Variants in MTCH2 observed in about 807,000 individuals in gnomAD.
MTCH2 encodes mitochondrial carrier homolog 2.
Under a neutral mutation model 50.6 loss-of-function variants are expected in MTCH2, and 25 were observed. The observed-to-expected ratio is 0.49, with a 90% CI of 0.36 to 0.69. The LOEUF (loss-of-function observed/expected upper bound fraction) is 0.69. Ranked by LOEUF, MTCH2 falls within the 30% of genes least tolerant of loss-of-function variation. The probability of loss-of-function intolerance (pLI) is 0.00; values close to 1 mark genes in which losing one functional copy is unlikely to be tolerated. For missense variants in MTCH2, 273 were observed against 384.4 expected (o/e 0.71, Z 2.42); for synonymous variants, 106 against 132.0 (o/e 0.80, Z 1.35).
downstream of MTCH2, among the ~76,000 whole-genome samples, chr11:47,612,728 C>CAA (rs541769139): frequency 5.2e-5 from 5 of 97,044 alleles, no homozygotes; most frequent in East Asian, 2.9e-4. Context: ...GACCCTATCT[C>CAA]AAAAAAAAAA....
intron 4 of MTCH2, among the ~76,000 whole-genome samples, chr11:47,635,222 G>A (rs920714712): frequency 3.3e-5 from 5 of 152,098 alleles, no homozygotes; most frequent in African/African-American, 1.2e-4. Context: ...GAGATACAGA[G>A]GTATGTGCCA....
chr11:47,618,670 G>T lies in MTCH2; in HGVS notation c.*163C>A. 3 of 547,754 alleles carry T rather than the reference G, an allele frequency of 5.5e-6. No individual in the cohort carries two copies. The allele number at this position is 547,754 out of a possible 1,614,324, so 33.9% of individuals were successfully genotyped here. On this transcript the variant is annotated 3_prime_UTR_variant, in exon 13 of 13. Transcript: ENST00000302503. The stretch of plus-strand genomic sequence containing the variant: ...GGGAGTATCAGTGGTAAGTTATGTT[G>T]TGCTGGAAAAAAGAACAAAAAAGGC...
intron 7 of MTCH2, 60 bp downstream of exon 7, chr11:47,630,976 T>G (rs1598845076): frequency 1.6e-6 from 2 of 1,289,982 alleles, no homozygotes; most frequent in Non-Finnish European, 2.2e-6. Flanking sequence ...CAAAGTAGTA[T>G]TATTCTAGTA....
At chr11:47,606,805 C>G in the MTCH2 span, among the ~76,000 whole-genome samples, 1 of 152,196 alleles carries the variant, frequency 6.6e-6, no homozygotes, top group Non-Finnish European at 1.5e-5. Flanking sequence ...GGGAGCAGCT[C>G]CCTGGCAGCT....
At chr11:47,609,221 G>A in the MTCH2 span, among the ~76,000 whole-genome samples, 2 of 151,014 alleles carry the variant, frequency 1.3e-5, no homozygotes, top group Non-Finnish European at 3.0e-5. Context: ...TTGGGAGGCC[G>A]AGGCGGGCGG....
In MTCH2 at chr11:47,640,675, CA is replaced by C. The variant is rs200643611; in HGVS notation, c.88-1625del. Among the ~76,000 whole-genome samples, 421 of 152,264 alleles carry C rather than the reference CA, an allele frequency of 2.8e-3. 9 individuals are homozygous for C. Among genetic ancestry groups the C allele is most frequent in the Admixed American group, 0.021 (319 of 15,284 alleles). On this transcript the variant is annotated intron_variant, in intron 1 of 12. Coordinates refer to ENST00000302503, the MANE Select transcript of MTCH2 (RefSeq NM_014342.4). ...AGGTGAACCGCCTGTTTCAGGCTCCCAAAGTGTTGGGATTTACAGGCGTGAG... is the reference window on the plus strand; with the variant it reads ...AGGTGAACCGCCTGTTTCAGGCTCCCAAGTGTTGGGATTTACAGGCGTGAG...
chr11:47,613,650 T>C (rs2097286781), downstream of MTCH2, among the ~76,000 whole-genome samples: 1 of 152,250 alleles, frequency 6.6e-6, no homozygotes, highest in South Asian at 2.1e-4. Context: ...TGATCATTTC[T>C]ATTTTCAGTT....
In MTCH2 at chr11:47,625,908, T is replaced by C. The variant is rs2097297729; in HGVS notation, c.682-167A>G. On this transcript the variant is annotated intron_variant, in intron 10 of 12. Transcript: ENST00000302503. ...TTACAGTTTTGAGCCTGGAGATGCT[T>C]CTTCCTCTTAGCACACCACTGCATC... 2.6e-5 allele frequency among the ~76,000 whole-genome samples: 4 copies of C among 152,182 alleles called. No homozygotes were observed. In the South Asian group the frequency reaches 8.3e-4, roughly 32 times the overall value.
At chr11:47,629,143 A>G in intron 8 of MTCH2, 97 bp from the exon 9 acceptor site, 1 of 1,041,780 alleles carries the variant, frequency 9.6e-7, no homozygotes, top group South Asian at 1.4e-5. Flanking sequence ...TAGAGGTCAC[A>G]AAACATTCTA....
rs1335807163 is a variant in MTCH2 at position 47,621,564 on chromosome 11, C to A, written c.825+1137G>T. On this transcript the variant is annotated intron_variant, in intron 12 of 12. Coordinates refer to ENST00000302503, the MANE Select transcript of MTCH2 (RefSeq NM_014342.4). The stretch of plus-strand genomic sequence containing the variant: ...TCTCTTCCCTCAGCCTCCCCAGTAG[C>A]TGGGACTACAGGCACACGCTGCTAC... Among the ~76,000 whole-genome samples the A allele has an allele frequency of 2.0e-5, 3 of 152,012 alleles. No homozygotes were observed. The East Asian group carries it at 5.8e-4, about 29-fold the overall frequency.
the MTCH2 span, among the ~76,000 whole-genome samples, chr11:47,606,458 C>T: frequency 2.0e-5 from 3 of 152,104 alleles, no homozygotes; most frequent in Admixed American, 6.6e-5. Flanking sequence ...TCTTGTACCC[C>T]ACCTTTTAAA....
the MTCH2 span, among the ~76,000 whole-genome samples, chr11:47,604,510 A>ATG: frequency 3.3e-5 from 5 of 152,200 alleles, no homozygotes; most frequent in African/African-American, 1.2e-4. Context: ...TGTTTTTCAG[A>ATG]TACATGCCCA....
chr11:47,626,758 A>G (rs2097298591), intron 10 of MTCH2, among the ~76,000 whole-genome samples: 1 of 152,008 alleles, frequency 6.6e-6, no homozygotes, highest in African/African-American at 2.4e-5. Context: ...GATTACAGGC[A>G]TGCACCACCA....
chr11:47,625,547 C>T (rs1297542414), intron 11 of MTCH2, 127 bp downstream of exon 11: 9 of 715,784 alleles, frequency 1.3e-5, no homozygotes, highest in South Asian at 1.3e-4. Context: ...TTCCTCCCCC[C>T]CTTTTTAAAA....
In MTCH2 at chr11:47,618,526, G is replaced by C; in HGVS notation, c.*307C>G. ...TTCATTTTACAAAGCCTTAAATTGA[G>C]ACTCAAAAATCACATGACAAAGTGC... On this transcript the variant is annotated 3_prime_UTR_variant, in exon 13 of 13. Coordinates refer to ENST00000302503, the MANE Select transcript of MTCH2 (RefSeq NM_014342.4). The C allele has an allele frequency of 3.2e-6, 1 of 313,822 alleles. No homozygotes were observed. Among genetic ancestry groups the C allele is most frequent in the Non-Finnish European group, 5.9e-6 (1 of 169,046 alleles). The allele number at this position is 313,822 out of a possible 1,614,324, so 19.4% of individuals were successfully genotyped here.
chr11:47,641,478 CTG>C (rs2153801400), intron 1 of MTCH2, among the ~76,000 whole-genome samples: 1 of 152,252 alleles, frequency 6.6e-6, no homozygotes, highest in East Asian at 1.9e-4. Context: ...GTTCTAAAAA[CTG>C]TTCCATTCCT....
Position 47,634,451 on chromosome 11 carries a change from G to A in MTCH2, c.369+221C>T, listed in dbSNP as rs561060000. Among the ~76,000 whole-genome samples, 3 of 152,298 alleles carry A rather than the reference G, an allele frequency of 2.0e-5. No homozygotes were observed. In the South Asian group the frequency reaches 6.2e-4, roughly 32 times the overall value. ...TTTCAGTATTCTAAAGACGGAATGT[G>A]TGGGCAAAATGAGTTTTCTTGAAAT... On this transcript the variant is annotated intron_variant, in intron 5 of 12. Transcript: ENST00000302503.
At chr11:47,638,939 C>A in intron 2 of MTCH2, 28 bp downstream of exon 2, 1 of 1,598,532 alleles carries the variant, frequency 6.3e-7, no homozygotes, top group South Asian at 1.1e-5. Flanking sequence ...CAACGTCATG[C>A]AAACCCAAAT....
intron 1 of MTCH2, 93 bp from the exon 2 acceptor site, chr11:47,639,144 T>C: frequency 8.9e-7 from 1 of 1,117,470 alleles, no homozygotes; most frequent in South Asian, 1.5e-5. Flanking sequence ...ATTTGGGTTA[T>C]TTTTAAACAC....
Sources: gnomAD v4.1 joint callset for allele counts (sites outside exome capture counted in the v4.1 genomes callset) on GRCh38, gnomAD v4.1.1 for gene constraint, MANE v1.5 for transcripts, NCBI Gene and HGNC (gene_info 2026-07-23, HGNC 2026-07-21) for gene names.